The following DMBT1 variants were observed in gnomAD, a reference collection of about 807,000 sequenced individuals.
DMBT1 encodes scavenger receptor cysteine-rich domain-containing protein DMBT1.
In DMBT1, 198 loss-of-function variants were observed where a neutral mutation model predicts 252.9. The ratio of observed to expected loss-of-function variants is 0.78; its 90% CI spans 0.70 to 0.88. The LOEUF (loss-of-function observed/expected upper bound fraction) is 0.88. DMBT1 is among the 40% of genes least tolerant of loss of function. The probability of loss-of-function intolerance (pLI) is 0.00; values close to 1 mark genes in which losing one functional copy is unlikely to be tolerated. For missense variants in DMBT1, 2,432 were observed against 2,404.7 expected, an observed-to-expected ratio of 1.01 and a Z score of -0.24; for synonymous variants, 990 against 942.7, an observed-to-expected ratio of 1.05 and a Z score of -0.92.
At chr10:122,621,760 G>T (rs2098071681) in intron 44 of DMBT1, among the ~76,000 whole-genome samples, 1 of 152,194 alleles carries the variant, frequency 6.6e-6, no homozygotes, top group Non-Finnish European at 1.5e-5. Flanking sequence ...GGAGGCTCAT[G>T]GTAAGGAAAG....
At chr10:122,578,862 T>G in intron 9 of DMBT1, 103 bp downstream of exon 9, 2 of 1,233,652 alleles carry the variant, frequency 1.6e-6, no homozygotes, top group Admixed American at 2.0e-5. Context: ...GGTGGGGAAG[T>G]GGGCTAAGCG....
intron 40 of DMBT1, 69 bp downstream of exon 40, chr10:122,617,329 G>A (rs186435892): frequency 1.9e-6 from 3 of 1,548,026 alleles, no homozygotes; most frequent in Non-Finnish European, 1.8e-6. Flanking sequence ...GAAACTGATA[G>A]GATGAGGCTC....
intron 48 of DMBT1, among the ~76,000 whole-genome samples, chr10:122,630,698 A>G (rs1352844097): frequency 6.6e-6 from 1 of 152,158 alleles, no homozygotes; most frequent in East Asian, 1.9e-4. Flanking sequence ...TGGGTCTGCC[A>G]CCAACTCTCC....
intron 55 of DMBT1, among the ~76,000 whole-genome samples, chr10:122,642,097 C>G (rs373689903): frequency 6.6e-6 from 1 of 151,976 alleles, no homozygotes; most frequent in Non-Finnish European, 1.5e-5. Flanking sequence ...TGACCCTGAC[C>G]TTTTTCCCAA....
At chr10:122,598,300 C>T (rs2097904146) in intron 25 of DMBT1, among the ~76,000 whole-genome samples, 1 of 152,166 alleles carries the variant, frequency 6.6e-6, no homozygotes, top group Non-Finnish European at 1.5e-5. Context: ...CCTACTAAGA[C>T]CTCATTCCTG....
At chr10:122,627,725 A>T (rs1465437740) in intron 46 of DMBT1, among the ~76,000 whole-genome samples, 4 of 152,214 alleles carry the variant, frequency 2.6e-5, no homozygotes, top group Non-Finnish European at 5.9e-5. Context: ...AGAAATAGAA[A>T]GGGAGGGCAG....
chr10:122,561,855 T>A (rs939015603), intron 1 of DMBT1, among the ~76,000 whole-genome samples: 1 of 150,726 alleles, frequency 6.6e-6, no homozygotes, highest in Non-Finnish European at 1.5e-5. Flanking sequence ...TCTGTTTCTC[T>A]CTCCATCTCT....
intron 7 of DMBT1, among the ~76,000 whole-genome samples, chr10:122,577,578 C>T (rs112159257): frequency 2.0e-5 from 3 of 152,242 alleles, no homozygotes; most frequent in South Asian, 2.1e-4. Context: ...TCCCAGGCAC[C>T]GAAGTGACCT....
intron 14 of DMBT1, 131 bp from the exon 15 acceptor site, chr10:122,585,140 C>T: frequency 8.1e-7 from 1 of 1,234,934 alleles, no homozygotes; most frequent in Non-Finnish European, 1.2e-6. Context: ...TGGGCAGACA[C>T]ATGGGGAGCA....
Position 122,625,915 on chromosome 10 carries a change from C to T in DMBT1, c.5636-18C>T. ...AATTATCTACTAAAATCCTAAACAG[C>T]TTCATTTTTTTTTCTAGATTGGTGG... On this transcript the variant is annotated intron_variant, in intron 45 of 55. Transcript: ENST00000338354. 1 of 1,605,946 alleles carries T rather than the reference C, an allele frequency of 6.2e-7. No individual in the cohort carries two copies. Among genetic ancestry groups the T allele is most frequent in the Non-Finnish European group, 8.5e-7 (1 of 1,172,590 alleles).
chr10:122,600,330 C>A (rs2097935269), intron 27 of DMBT1, among the ~76,000 whole-genome samples: 1 of 152,028 alleles, frequency 6.6e-6, no homozygotes, highest in Admixed American at 6.6e-5. Context: ...CAGTTTCATA[C>A]TGTCCCAGTG....
chr10:122,617,249 C>T lies in DMBT1; in HGVS notation c.4880C>T (p.Ala1627Val), dbSNP rs1199493336. The T allele has an allele frequency of 1.9e-6, 3 of 1,609,816 alleles. No homozygotes were observed. Among genetic ancestry groups the T allele is most frequent in the Admixed American group, 1.7e-5 (1 of 59,936 alleles). ...ACAGACACTTGGCCAACCTCTCGTG[C>T]ATCAACAGCAGGTAAACAATCCTCT... ...PSPDTWPTSR[A>V]STAGSESTLA... is the part of the protein sequence containing the mutation. Residue 1627 changes from alanine to valine, a missense_variant, in exon 40 of 56, where the codon GCA (alanine) becomes GTA (valine). By Grantham distance (64) the Ala-to-Val change is moderately conservative. Around this residue, in one of 3 missense-constraint regions of DMBT1, gnomAD observed 1,162 missense variants for 1,169.0 expected, o/e 0.99. Transcript: ENST00000338354.
chr10:122,565,512 AG>A (rs2097582429), intron 1 of DMBT1, among the ~76,000 whole-genome samples: 1 of 152,236 alleles, frequency 6.6e-6, no homozygotes, highest in South Asian at 2.1e-4. Flanking sequence ...ATTTGCTTCA[AG>A]ATGGAATAAA....
intron 41 of DMBT1, 30 bp downstream of exon 41, chr10:122,618,370 C>T (rs773316693): frequency 3.7e-6 from 6 of 1,613,652 alleles, no homozygotes; most frequent in African/African-American, 1.3e-5. Context: ...GGCTCCCTCT[C>T]TTAAGTTGAA....
chr10:122,637,240 G>A lies in DMBT1; in HGVS notation c.6870G>A (p.Glu2290=). ...LVISTWNGYY[E]CRPQITPNLV... Reference sequence around the variant, plus strand: ...TTTCCACCTGGAATGGATACTACGAGTGTCGGCCCCAGATAACGCCGAACC... The same window carrying A: ...TTTCCACCTGGAATGGATACTACGAATGTCGGCCCCAGATAACGCCGAACC... Residue 2290 remains glutamate, a synonymous_variant, in exon 54 of 56, where the codon GAG becomes GAA. Transcript: ENST00000338354. The A allele has an allele frequency of 1.2e-6, 2 of 1,614,020 alleles. No individual in the cohort carries two copies. Among genetic ancestry groups the A allele is most frequent in the African/African-American group, 1.3e-5 (1 of 75,046 alleles).
At chr10:122,576,080 C>A (rs994718265) in intron 6 of DMBT1, among the ~76,000 whole-genome samples, 1 of 152,178 alleles carries the variant, frequency 6.6e-6, no homozygotes, top group African/African-American at 2.4e-5. Context: ...TGTTGTGTGT[C>A]CCCTGTCTGA....
intron 11 of DMBT1, among the ~76,000 whole-genome samples, chr10:122,581,298 G>A (rs983686111): frequency 6.7e-3 from 958 of 141,990 alleles, no homozygotes; most frequent in African/African-American, 0.023. Flanking sequence ...ATCCATCACT[G>A]CTGGAAACAT....
intron 43 of DMBT1, among the ~76,000 whole-genome samples, chr10:122,620,851 A>G (rs1186283010): frequency 6.6e-6 from 1 of 152,162 alleles, no homozygotes; most frequent in Non-Finnish European, 1.5e-5. Flanking sequence ...CTTCCCCAAT[A>G]CTTGAGCTTC....
At chr10:122,630,225 A>G (rs985726359) in intron 47 of DMBT1, 63 bp from the exon 48 acceptor site, 1 of 1,537,502 alleles carries the variant, frequency 6.5e-7, no homozygotes, top group Middle Eastern at 1.8e-4. Context: ...AGTGCAAACT[A>G]TTTATAAAAT....
Sources: allele counts gnomAD v4.1 joint callset (sites outside exome capture counted in the v4.1 genomes callset), GRCh38; gene constraint gnomAD v4.1.1; regional missense constraint gnomAD v4.1.1; transcripts MANE v1.5; gene names NCBI Gene and HGNC (gene_info 2026-07-23, HGNC 2026-07-21).